Variants in RAPGEFL1 observed in about 807,000 individuals in gnomAD.
The protein encoded by RAPGEFL1 is rap guanine nucleotide exchange factor-like 1.
Under a neutral mutation model 64.4 loss-of-function variants are expected in RAPGEFL1, and 31 were observed. That is an observed-to-expected ratio of 0.48 (90% confidence interval 0.36 to 0.65). The LOEUF (loss-of-function observed/expected upper bound fraction) is 0.65, where lower values mean the gene tolerates loss of function less well. RAPGEFL1 is among the 30% of genes least tolerant of loss of function. The pLI, the probability that RAPGEFL1 is intolerant of heterozygous loss-of-function variation, is 0.00. For synonymous variants in RAPGEFL1, 331 were observed against 274.1 expected (o/e 1.21, Z -2.05); for missense variants, 682 against 677.4 (o/e 1.01, Z -0.08).
At chr17:40,183,518 C>CTTTTTTTTTTTTTTT (rs760848897) in intron 2 of RAPGEFL1, among the ~76,000 whole-genome samples, 2 of 130,158 alleles carry the variant, frequency 1.5e-5, no homozygotes, top group African/African-American at 2.8e-5. Flanking sequence ...CTTTTCTTTT[C>CTTTTTTTTTTTTTTT]TTTTTTTTTT....
At chr17:40,183,499 CTTTCT>C (rs1236485462) in intron 2 of RAPGEFL1, among the ~76,000 whole-genome samples, 13 of 147,488 alleles carry the variant, frequency 8.8e-5, no homozygotes, top group African/African-American at 1.5e-4. Context: ...AGCCTCCCAT[CTTTCT>C]TTTCTTTTCT....
Position 40,178,300 on chromosome 17 carries a change from GC to G in RAPGEFL1, c.444del (p.Glu149SerfsTer7), listed in dbSNP as rs1326545678. The G allele has an allele frequency of 4.7e-6, 3 of 632,072 alleles. No homozygotes were observed. Among genetic ancestry groups the G allele is most frequent in the Admixed American group, 2.4e-5 (1 of 41,010 alleles). 39.2% of individuals were successfully genotyped at this position (632,072 alleles called of 1,614,324 possible). ...LTSPPWAPLG[A>X]PERPEHLLNR... is the part of the protein sequence containing the mutation. ...TTCGCCGCCCTGGGCCCCTCTGGGC[GC>G]CCCCGAGCGGCCCGAGCATCTTCTG... On this transcript the variant is annotated frameshift_variant, in exon 1 of 15. Coordinates refer to ENST00000620260, the MANE Select transcript of RAPGEFL1 (RefSeq NM_016339.6). LOFTEE classifies it high-confidence loss of function.
intron 1 of RAPGEFL1, 23 bp downstream of exon 1, chr17:40,178,404 C>A: frequency 2.1e-6 from 1 of 482,336 alleles, no homozygotes; most frequent in Non-Finnish European, 3.7e-6. Context: ...TGGGCTCGAA[C>A]ACCCAGAGCA....
rs1990286725 is a variant in RAPGEFL1, at chr17:40,191,877, G to A, written c.1605+205G>A. Among the ~76,000 whole-genome samples, 1 of 152,236 alleles carries A rather than the reference G, an allele frequency of 6.6e-6. No individual in the cohort carries two copies. Among genetic ancestry groups the A allele is most frequent in the African/African-American group, 2.4e-5 (1 of 41,466 alleles). The stretch of plus-strand genomic sequence containing the variant: ...CAAATTAGTGAAAAGCCCGGATCCC[G>A]CCTGAGTCACGGCAGGCAGCCCTTG... On this transcript the variant is annotated intron_variant, in intron 10 of 14. Transcript: ENST00000620260. The surrounding 1 kb of genome is among the most constrained non-coding windows in gnomAD (Gnocchi z 5.1).
At chr17:40,188,290 T>C (rs1240229725) in intron 4 of RAPGEFL1, among the ~76,000 whole-genome samples, 1 of 152,130 alleles carries the variant, frequency 6.6e-6, no homozygotes, top group Non-Finnish European at 1.5e-5. Flanking sequence ...TTCCCAGATC[T>C]TCCTTTTAGG....
At chr17:40,186,577 A>G (rs889990640) in intron 4 of RAPGEFL1, among the ~76,000 whole-genome samples, 5 of 73,226 alleles carry the variant, frequency 6.8e-5, no homozygotes, top group Admixed American at 2.3e-4. Flanking sequence ...TCCGTCTCAA[A>G]AAAAAAAAAA....
chr17:40,177,233 G>C, upstream of RAPGEFL1: 1 of 702,620 alleles, frequency 1.4e-6, no homozygotes, highest in Non-Finnish European at 2.6e-6. Context: ...CTGACTCTTT[G>C]AAATGATGCT....
rs1990253868 is a variant in RAPGEFL1 at position 40,191,293 on chromosome 17, C to T, written c.1336-23C>T. ...CCCTCACCCCCTGGCGCCCTGGCCGCCCCTCCGCTGCCGTGGGTGCAGCTG... is the reference window on the plus strand; with the variant it reads ...CCCTCACCCCCTGGCGCCCTGGCCGTCCCTCCGCTGCCGTGGGTGCAGCTG... On this transcript the variant is annotated intron_variant, in intron 8 of 14. Transcript: ENST00000620260. The surrounding 1 kb of genome is among the most constrained non-coding windows in gnomAD (Gnocchi z 5.1). 1 of 1,537,128 alleles carries T rather than the reference C, an allele frequency of 6.5e-7. No individual in the cohort carries two copies. The highest frequency in any genetic ancestry group is 8.7e-7 in the Non-Finnish European group (1 of 1,151,202).
rs1165367546 is a variant in RAPGEFL1, at chr17:40,178,365, G to C, written c.504G>C (p.Arg168Ser). The change falls in exon 1 of 15, where the codon AGG becomes AGC. Residue 168 changes from arginine to serine, a missense_variant. By Grantham distance (110) the Arg-to-Ser change is moderately radical. Coordinates refer to ENST00000620260, the MANE Select transcript of RAPGEFL1 (RefSeq NM_016339.6). ...AGCGGCTTGCTGGAGGGGCTACCAGGGACAGCGCCGCCTCAGGTAAGGAGC... is the reference window on the plus strand; with the variant it reads ...AGCGGCTTGCTGGAGGGGCTACCAGCGACAGCGCCGCCTCAGGTAAGGAGC... ...VLERLAGGAT[R>S]DSAASDILLD... 7 of 533,706 alleles carry C rather than the reference G, an allele frequency of 1.3e-5. No individual in the cohort carries two copies. Among genetic ancestry groups the C allele is most frequent in the Non-Finnish European group, 2.0e-5 (6 of 296,856 alleles). The allele number at this position is 533,706 out of a possible 1,614,324, so 33.1% of individuals were successfully genotyped here.
intron 1 of RAPGEFL1, among the ~76,000 whole-genome samples, chr17:40,178,923 G>C (rs1989809239): frequency 6.6e-6 from 1 of 152,168 alleles, no homozygotes; most frequent in African/African-American, 2.4e-5. Context: ...CAGTTTGGTG[G>C]GGGGGATAGT....
intron 1 of RAPGEFL1, 81 bp downstream of exon 1, chr17:40,178,462 C>G (rs967488805): frequency 6.3e-5 from 28 of 444,214 alleles, no homozygotes; most frequent in African/African-American, 4.5e-4. Context: ...GTAGGGGTGG[C>G]GCCGTGCCGG....
chr17:40,186,465 G>C (rs1344685619), intron 4 of RAPGEFL1, among the ~76,000 whole-genome samples: 1 of 151,200 alleles, frequency 6.6e-6, no homozygotes, highest in Non-Finnish European at 1.5e-5. Flanking sequence ...CTACTCGGGA[G>C]GCTGAGGCAG....
At chr17:40,189,846 C>T (rs1016943050) in intron 6 of RAPGEFL1, among the ~76,000 whole-genome samples, 8 of 152,114 alleles carry the variant, frequency 5.3e-5, no homozygotes, top group Non-Finnish European at 7.4e-5. Flanking sequence ...ATCCCAGCTA[C>T]TTGGGAGGCT....
chr17:40,183,085 T>C (rs1989942826), intron 2 of RAPGEFL1, among the ~76,000 whole-genome samples: 1 of 151,924 alleles, frequency 6.6e-6, no homozygotes, highest in Admixed American at 6.6e-5. Flanking sequence ...GAGGCAGAGG[T>C]TGCAGTGAGC....
rs1040658316 is a variant in RAPGEFL1, at chr17:40,179,668, C to T, written c.520+1287C>T. Among the ~76,000 whole-genome samples, 8 of 152,224 alleles carry T rather than the reference C, an allele frequency of 5.3e-5. No homozygotes were observed. The East Asian group carries it at 1.4e-3, about 26-fold the overall frequency. ...TCTGGTTAGTTCTGAGGTAGAAGAC[C>T]GAGGGTTCTTTAGGTCTAGCTCTAG... On this transcript the variant is annotated intron_variant, in intron 1 of 14. Transcript: ENST00000620260.
upstream of RAPGEFL1, chr17:40,177,035 T>C (rs1195580393): frequency 2.9e-6 from 2 of 701,446 alleles, no homozygotes; most frequent in East Asian, 2.7e-5. Context: ...AGAGGACAGA[T>C]GGGCACCGCC....
intron 11 of RAPGEFL1, 108 bp from the exon 12 acceptor site, chr17:40,192,498 T>A: frequency 9.6e-7 from 1 of 1,038,680 alleles, no homozygotes; most frequent in Non-Finnish European, 1.5e-6. Flanking sequence ...CCAGCACCCC[T>A]ATCTGATCAG....
intron 1 of RAPGEFL1, among the ~76,000 whole-genome samples, chr17:40,179,610 C>T (rs1989834280): frequency 6.6e-6 from 1 of 152,184 alleles, no homozygotes; most frequent in South Asian, 2.1e-4. Flanking sequence ...AGCACCCCTA[C>T]TAAGGGGCCT....
intron 2 of RAPGEFL1, among the ~76,000 whole-genome samples, chr17:40,182,475 G>T (rs184195839): frequency 6.6e-6 from 1 of 152,256 alleles, no homozygotes; most frequent in Admixed American, 6.5e-5. Context: ...ACCACACCTG[G>T]CTACTTTTTG....
Sources: allele counts gnomAD v4.1 joint callset (sites outside exome capture counted in the v4.1 genomes callset), GRCh38; gene constraint gnomAD v4.1.1; non-coding constraint Gnocchi (gnomAD v3.1); transcripts MANE v1.5; gene names NCBI Gene and HGNC (gene_info 2026-07-23, HGNC 2026-07-21).